Variants in RSRC1 observed in about 807,000 individuals in gnomAD.
RSRC1 encodes the protein arginine and serine rich coiled-coil 1.
Under a neutral mutation model 49.1 loss-of-function variants are expected in RSRC1, and 39 were observed. The ratio of observed to expected loss-of-function variants is 0.79; its 90% CI spans 0.61 to 1.04. RSRC1 has a LOEUF of 1.04. RSRC1 is among the 50% of genes least tolerant of loss of function. RSRC1 has a pLI of 0.00. For missense variants in RSRC1, 388 were observed against 402.4 expected, an observed-to-expected ratio of 0.96 and a Z score of 0.31; for synonymous variants, 143 against 130.8, an observed-to-expected ratio of 1.09 and a Z score of -0.63.
At chr3:158,320,974 T>G (rs1383030785) in intron 5 of RSRC1, among the ~76,000 whole-genome samples, 1 of 152,176 alleles carries the variant, frequency 6.6e-6, no homozygotes, top group Non-Finnish European at 1.5e-5. Flanking sequence ...TTAATTTTTT[T>G]GGGCCACACA....
intron 3 of RSRC1, among the ~76,000 whole-genome samples, chr3:158,189,052 T>A (rs1720079016): frequency 6.6e-6 from 1 of 151,938 alleles, no homozygotes; most frequent in South Asian, 2.1e-4. Flanking sequence ...TTTTAAAGAT[T>A]CTCATTGTGA....
intron 6 of RSRC1, among the ~76,000 whole-genome samples, chr3:158,363,213 T>C (rs1218551963): frequency 6.6e-6 from 1 of 152,076 alleles, no homozygotes; most frequent in Non-Finnish European, 1.5e-5. Flanking sequence ...AGCTAATAAG[T>C]GATAGAATCA....
intron 7 of RSRC1, among the ~76,000 whole-genome samples, chr3:158,500,112 A>G (rs567729363): frequency 3.9e-5 from 6 of 152,346 alleles, no homozygotes; most frequent in South Asian, 4.1e-4. Flanking sequence ...TTCTGCATCT[A>G]TTGAGATGAT....
At chr3:158,414,747 T>G (rs1365355213) in intron 6 of RSRC1, among the ~76,000 whole-genome samples, 1 of 152,036 alleles carries the variant, frequency 6.6e-6, no homozygotes, top group Non-Finnish European at 1.5e-5. Flanking sequence ...AGTTTGGTAA[T>G]TATCCATTAT....
chr3:158,483,870 A>G (rs1738714214), intron 7 of RSRC1, among the ~76,000 whole-genome samples: 2 of 152,072 alleles, frequency 1.3e-5, no homozygotes, highest in South Asian at 2.1e-4. Flanking sequence ...ACATTTTTAT[A>G]TACTCTTGGG....
chr3:158,385,541 T>C (rs1373196667), intron 6 of RSRC1, among the ~76,000 whole-genome samples: 1 of 152,162 alleles, frequency 6.6e-6, no homozygotes, highest in East Asian at 1.9e-4. Flanking sequence ...TCATATGCAT[T>C]AACAACTCAG....
Position 158,437,878 on chromosome 3 carries a change from G to A in RSRC1, c.584-23057G>A, listed in dbSNP as rs550201526. On this transcript the variant is annotated intron_variant, in intron 6 of 9. Transcript: ENST00000611884. ...AATTAGAAAAAGAGGAAGTCAAATT[G>A]TCCCTGTTTACAGATGACATGACTG... 3.9e-5 allele frequency among the ~76,000 whole-genome samples: 6 copies of A among 152,224 alleles called. No homozygotes were observed. In the East Asian group the frequency reaches 1.2e-3, roughly 29 times the overall value.
chr3:158,270,104 C>T (rs1008361087), intron 4 of RSRC1, among the ~76,000 whole-genome samples: 15 of 152,008 alleles, frequency 9.9e-5, no homozygotes, highest in African/African-American at 2.7e-4. Flanking sequence ...TGTTGGAACC[C>T]GCTTGTGACT....
chr3:158,139,922 C>G (rs1716640769), intron 3 of RSRC1, among the ~76,000 whole-genome samples: 1 of 152,086 alleles, frequency 6.6e-6, no homozygotes, highest in African/African-American at 2.4e-5. Context: ...CTTGAGCCAC[C>G]ATGCTGGGCC....
At chr3:158,421,765 C>G (rs1735073263) in intron 6 of RSRC1, among the ~76,000 whole-genome samples, 2 of 151,828 alleles carry the variant, frequency 1.3e-5, no homozygotes, top group Non-Finnish European at 2.9e-5. Flanking sequence ...AATGCTTAGG[C>G]ATGCAATTGG....
rs571755389 is a variant in RSRC1 at position 158,532,382 on chromosome 3, G to A, written c.653-4710G>A. ...GTAATCTACAAATGCAGTATGAAAAGACTAAAATTTTCTTTTCAAATGAAA... is the reference window on the plus strand; with the variant it reads ...GTAATCTACAAATGCAGTATGAAAAAACTAAAATTTTCTTTTCAAATGAAA... On this transcript the variant is annotated intron_variant, in intron 7 of 9. Transcript: ENST00000611884. Among the ~76,000 whole-genome samples the A allele has an allele frequency of 5.9e-5, 9 of 151,926 alleles. No homozygotes were observed. The South Asian group carries it at 1.9e-3, about 32-fold the overall frequency.
At chr3:158,127,763 T>G (rs969234423) in intron 3 of RSRC1, among the ~76,000 whole-genome samples, 2 of 149,290 alleles carry the variant, frequency 1.3e-5, no homozygotes, top group African/African-American at 4.9e-5. Context: ...GTGGTTTTTT[T>G]TTTTTTTTTT....
Position 158,337,624 on chromosome 3 carries a change from C to T in RSRC1, c.532-17233C>T, listed in dbSNP as rs147736933. Among the ~76,000 whole-genome samples, 370 of 152,256 alleles carry T rather than the reference C, an allele frequency of 2.4e-3. 3 individuals carry two copies. The highest frequency in any genetic ancestry group is 8.4e-3 in the African/African-American group (350 of 41,544). On this transcript the variant is annotated intron_variant, in intron 5 of 9. Transcript: ENST00000611884. ...TTTCCCTTTCTTCCCTTTCTATATT[C>T]CTAACATATTGTTAGCACTGAATCT...
chr3:158,530,910 AAAT>A (rs1342965967), intron 7 of RSRC1, among the ~76,000 whole-genome samples: 6 of 109,786 alleles, frequency 5.5e-5, no homozygotes, highest in South Asian at 3.3e-4. Context: ...AAAAAATAAT[AAAT>A]AAAAAAAAAA....
intron 7 of RSRC1, among the ~76,000 whole-genome samples, chr3:158,522,721 C>T (rs1711760427): frequency 6.6e-6 from 1 of 152,000 alleles, no homozygotes; most frequent in Non-Finnish European, 1.5e-5. Context: ...GAGATCTCTC[C>T]ATGCTTCATT....
intron 6 of RSRC1, among the ~76,000 whole-genome samples, chr3:158,446,323 A>T (rs1018302645): frequency 6.6e-6 from 1 of 151,436 alleles, no homozygotes; most frequent in Non-Finnish European, 1.5e-5. Context: ...AATTGAAATG[A>T]GAGAAATTTC....
At chr3:158,306,811 T>C (rs1021248968) in intron 5 of RSRC1, among the ~76,000 whole-genome samples, 1 of 151,958 alleles carries the variant, frequency 6.6e-6, no homozygotes, top group Non-Finnish European at 1.5e-5. Context: ...CATCGTATTA[T>C]AGTATAATTT....
intron 4 of RSRC1, among the ~76,000 whole-genome samples, chr3:158,276,755 C>G (rs1360102882): frequency 1.3e-5 from 2 of 152,070 alleles, no homozygotes; most frequent in African/African-American, 4.8e-5. Flanking sequence ...AGATTTAGCT[C>G]TCCTTGTATT....
intron 5 of RSRC1, among the ~76,000 whole-genome samples, chr3:158,313,256 G>A (rs892625764): frequency 1.3e-5 from 2 of 152,066 alleles, no homozygotes; most frequent in African/African-American, 2.4e-5. Context: ...AATTACTTGA[G>A]ACCAGGAAAT....
Sources: allele counts gnomAD v4.1 joint callset (sites outside exome capture counted in the v4.1 genomes callset), GRCh38; gene constraint gnomAD v4.1.1; transcripts MANE v1.5; gene names NCBI Gene and HGNC (gene_info 2026-07-23, HGNC 2026-07-21).